CEP70: variants seen among roughly 807,000 people sequenced by gnomAD.
The protein encoded by CEP70 is centrosomal protein 70, also known as centrosomal protein of 70 kDa.
A neutral mutation model predicts 90.9 loss-of-function variants in CEP70; 70 were observed. The ratio of observed to expected loss-of-function variants is 0.77; its 90% confidence interval spans 0.64 to 0.94. CEP70 has a LOEUF of 0.94. Among genes scored for constraint, CEP70 ranks in the 40% least tolerant of loss-of-function variants. The pLI, the probability that CEP70 is intolerant of heterozygous loss-of-function variation, is 0.00. For synonymous variants in CEP70, 220 were observed against 228.3 expected, an observed-to-expected ratio of 0.96 and a Z score of 0.33; for missense variants, 648 against 669.0, an observed-to-expected ratio of 0.97 and a Z score of 0.35.
At chr3:138,517,328 C>T (rs2036124941) in intron 11 of CEP70, among the ~76,000 whole-genome samples, 1 of 152,104 alleles carries the variant, frequency 6.6e-6, no homozygotes, top group East Asian at 1.9e-4. Flanking sequence ...CCTGGTAGGT[C>T]CAAGCCAAAG....
At chr3:138,540,927 A>G (rs992910155) in intron 6 of CEP70, among the ~76,000 whole-genome samples, 1 of 152,210 alleles carries the variant, frequency 6.6e-6, no homozygotes, top group Non-Finnish European at 1.5e-5. Context: ...AAAGAACAAG[A>G]TCATGTCTTT....
At chr3:138,580,348 C>T (rs2041788505) in intron 2 of CEP70, among the ~76,000 whole-genome samples, 1 of 152,100 alleles carries the variant, frequency 6.6e-6, no homozygotes, top group East Asian at 1.9e-4. Flanking sequence ...TCAGAGAAAG[C>T]AAGGGAAGAC....
intron 3 of CEP70, among the ~76,000 whole-genome samples, chr3:138,572,145 A>G (rs2041220532): frequency 6.6e-6 from 1 of 152,220 alleles, no homozygotes; most frequent in African/African-American, 2.4e-5. Context: ...GTTGGAGCCA[A>G]TATTTCAGAC....
intron 6 of CEP70, among the ~76,000 whole-genome samples, chr3:138,565,318 C>A (rs2040704694): frequency 6.6e-6 from 1 of 152,136 alleles, no homozygotes; most frequent in South Asian, 2.1e-4. Context: ...CTACCACTGA[C>A]TTTCTTCACA....
intron 6 of CEP70, among the ~76,000 whole-genome samples, chr3:138,557,815 A>T (rs990692446): frequency 1.3e-5 from 2 of 151,532 alleles, no homozygotes; most frequent in South Asian, 2.1e-4. Context: ...AAAAATTTTT[A>T]AAAAAGAAAT....
At chr3:138,569,588 C>A (rs2108132995) in intron 6 of CEP70, among the ~76,000 whole-genome samples, 1 of 152,260 alleles carries the variant, frequency 6.6e-6, no homozygotes, top group East Asian at 1.9e-4. Flanking sequence ...TAGATGCCAG[C>A]CAGGTGCAGT....
intron 6 of CEP70, among the ~76,000 whole-genome samples, chr3:138,554,196 A>T (rs2039831560): frequency 6.8e-6 from 1 of 147,902 alleles, no homozygotes; most frequent in African/African-American, 2.6e-5. Flanking sequence ...GTGAGACTCC[A>T]TATGAAAAAA....
At chr3:138,524,770 G>A (rs1489500816) in intron 11 of CEP70, among the ~76,000 whole-genome samples, 44 of 152,178 alleles carry the variant, frequency 2.9e-4, no homozygotes, top group African/African-American at 1.0e-3. Context: ...AACAACAGGT[G>A]CTGGAGAGGA....
intron 2 of CEP70, among the ~76,000 whole-genome samples, chr3:138,577,612 C>CACTCCAGCCTGGGTG (rs1374574014): frequency 6.6e-6 from 1 of 152,122 alleles, no homozygotes; most frequent in African/African-American, 2.4e-5. Flanking sequence ...GGTGCCACTG[C>CACTCCAGCCTGGGTG]ACTCCAGCCT....
At chr3:138,555,682 G>T (rs1302742636) in intron 6 of CEP70, among the ~76,000 whole-genome samples, 2 of 152,066 alleles carry the variant, frequency 1.3e-5, no homozygotes, top group East Asian at 3.9e-4. Flanking sequence ...AACACCAATG[G>T]TCAGGGAAAT....
intron 1 of CEP70, among the ~76,000 whole-genome samples, chr3:138,592,303 C>T (rs2042422892): frequency 6.6e-6 from 1 of 152,190 alleles, no homozygotes; most frequent in Non-Finnish European, 1.5e-5. Context: ...TACCACTGAT[C>T]ACAAAAGCAA....
intron 2 of CEP70, among the ~76,000 whole-genome samples, chr3:138,584,887 G>C (rs186785118): frequency 3.3e-5 from 5 of 152,054 alleles, no homozygotes; most frequent in Admixed American, 3.3e-4. Flanking sequence ...CTAAGATCTA[G>C]AACAGAACAA....
chr3:138,529,190 T>G lies in CEP70; in HGVS notation c.869+9A>C. The G allele has an allele frequency of 6.4e-7, 1 of 1,563,590 alleles. No homozygotes were observed. The highest frequency in any genetic ancestry group is 8.7e-7 in the Non-Finnish European group (1 of 1,152,084). On this transcript the variant is annotated intron_variant, in intron 10 of 17. Coordinates refer to ENST00000264982, the MANE Select transcript of CEP70 (RefSeq NM_024491.4). ...AGGAAAAAAAAAAAAAAAATTAAGT[T>G]TCTCTCACCTGGTTTCCAAATCTTT... is the stretch of plus-strand genomic sequence containing the variant.
At chr3:138,563,615 T>A (rs2040570028) in intron 6 of CEP70, among the ~76,000 whole-genome samples, 1 of 152,074 alleles carries the variant, frequency 6.6e-6, no homozygotes, top group Non-Finnish European at 1.5e-5. Flanking sequence ...AACAACGAAA[T>A]GAAAGCAGAA....
chr3:138,519,034 T>G (rs1027601388), intron 11 of CEP70, among the ~76,000 whole-genome samples: 11 of 152,068 alleles, frequency 7.2e-5, no homozygotes, highest in Non-Finnish European at 1.6e-4. Context: ...ACATGACGAA[T>G]GCACAAGCCT....
At chr3:138,588,757 T>C (rs1397780720) in intron 2 of CEP70, among the ~76,000 whole-genome samples, 1 of 152,206 alleles carries the variant, frequency 6.6e-6, no homozygotes, top group Non-Finnish European at 1.5e-5. Flanking sequence ...ATGAAAGCAT[T>C]ATGTCCACAC....
At position 138,505,398 on chromosome 3, in the gene CEP70, T is replaced by C; in HGVS notation, c.1118A>G (p.Lys373Arg). 6.2e-7 allele frequency: 1 copy of C among 1,611,902 alleles called. No individual in the cohort carries two copies. Among genetic ancestry groups the C allele is most frequent in the Non-Finnish European group, 8.5e-7 (1 of 1,178,998 alleles). ...TTTATTAAAATTTTGGACTCCCCCT[T>C]TGGTCTGTTTATAAATTATTACTGG... The part of the protein sequence containing the change: ...RAPVIIYKQT[K>R]GGVQNFNKDL... Residue 373 changes from lysine (K) to arginine (R), a missense_variant, in exon 13 of 18, where the codon AAA becomes AGA. Physicochemically the swap from Lys to Arg is conservative, Grantham distance 26 (BLOSUM62 2). Transcript: ENST00000264982.
At chr3:138,592,798 T>C (rs750587538) in intron 1 of CEP70, among the ~76,000 whole-genome samples, 37 of 152,158 alleles carry the variant, frequency 2.4e-4, no homozygotes, top group Non-Finnish European at 4.4e-4. Flanking sequence ...GGCCAATAAC[T>C]GTTCCTTCTC....
At chr3:138,580,916 G>T (rs1028793819) in intron 2 of CEP70, among the ~76,000 whole-genome samples, 15 of 151,966 alleles carry the variant, frequency 9.9e-5, no homozygotes, top group Admixed American at 9.8e-4. Context: ...TAGCATAATT[G>T]ATCAAGCAGA....
Sources: allele counts gnomAD v4.1 joint callset (sites outside exome capture counted in the v4.1 genomes callset), GRCh38; gene constraint gnomAD v4.1.1; transcripts MANE v1.5; gene names NCBI Gene and HGNC (gene_info 2026-07-23, HGNC 2026-07-21).